Variants in SEPTIN10 observed in about 807,000 individuals in gnomAD.
The protein encoded by SEPTIN10 is septin 10.
Under a neutral mutation model 54.8 loss-of-function variants are expected in SEPTIN10, and 66 were observed. That is an observed-to-expected ratio of 1.21 (90% CI 0.99 to 1.48). The LOEUF (loss-of-function observed/expected upper bound fraction) is 1.48, where lower values mean the gene tolerates loss of function less well. Ranked by LOEUF, SEPTIN10 falls within the 40% of genes most tolerant of loss-of-function variation. The pLI is 0.00. For missense variants in SEPTIN10, 620 were observed against 545.6 expected (o/e 1.14, Z -1.36); for synonymous variants, 161 against 181.0 (o/e 0.89, Z 0.89).
At chr2:109,592,636 C>T (rs1303437079) in intron 2 of SEPTIN10, among the ~76,000 whole-genome samples, 5 of 151,160 alleles carry the variant, frequency 3.3e-5, no homozygotes, top group South Asian at 2.1e-4. Context: ...AAAAGTTAGC[C>T]GGACGTGGTG....
At chr2:109,613,342 C>A in intron 1 of SEPTIN10, 1 of 364,456 alleles carries the variant, frequency 2.7e-6, no homozygotes, top group Non-Finnish European at 5.1e-6. Context: ...ACCACACCAT[C>A]GGATAAAACG....
At chr2:109,603,490 C>T (rs906105478) in intron 1 of SEPTIN10, among the ~76,000 whole-genome samples, 4 of 152,092 alleles carry the variant, frequency 2.6e-5, no homozygotes, top group Non-Finnish European at 4.4e-5. Flanking sequence ...CCGCCTGCCT[C>T]AGCCTCCCAA....
intron 8 of SEPTIN10, 28 bp downstream of exon 8, chr2:109,564,338 G>A: frequency 2.0e-6 from 3 of 1,495,360 alleles, no homozygotes; most frequent in Non-Finnish European, 2.7e-6. Context: ...CTTCCTCTTT[G>A]GTTGGCTTCC....
chr2:109,580,205 T>C (rs1392168127), intron 4 of SEPTIN10, among the ~76,000 whole-genome samples: 3 of 151,440 alleles, frequency 2.0e-5, no homozygotes, highest in Non-Finnish European at 4.4e-5. Flanking sequence ...AAGAAAAATA[T>C]AGCATAATAT....
At chr2:109,600,027 A>T (rs1696271696) in intron 1 of SEPTIN10, among the ~76,000 whole-genome samples, 1 of 152,158 alleles carries the variant, frequency 6.6e-6, no homozygotes, top group Non-Finnish European at 1.5e-5. Context: ...CAGCTTGCTG[A>T]CCGTCTCCAC....
At chr2:109,602,901 CA>C (rs34841715) in intron 1 of SEPTIN10, among the ~76,000 whole-genome samples, 15,675 of 110,306 alleles carry the variant, frequency 0.14, 881 homozygotes, top group Non-Finnish European at 0.16. Flanking sequence ...GACCCTGTCT[CA>C]AAAAAAAAAA....
Position 109,569,300 on chromosome 2 carries a change from A to G in SEPTIN10, c.601-1324T>C, listed in dbSNP as rs148993548. ...AAAATAATTAGGTGGGCATGGTGGC[A>G]CATGCCTGTAATCCCAGCTACTCGG... is the stretch of plus-strand genomic sequence containing the variant. On this transcript the variant is annotated intron_variant, in intron 5 of 10. Coordinates refer to ENST00000397712, the MANE Select transcript of SEPTIN10 (RefSeq NM_144710.5). Among the ~76,000 whole-genome samples, 564 of 152,096 alleles carry G rather than the reference A, an allele frequency of 3.7e-3. 5 individuals carry two copies. Among genetic ancestry groups the G allele is most frequent in the African/African-American group, 0.013 (520 of 41,478 alleles).
In SEPTIN10 at chr2:109,585,652, C is replaced by T. The variant is rs1045576064; in HGVS notation, c.217+69G>A. On this transcript the variant is annotated intron_variant, in intron 3 of 10. Coordinates refer to ENST00000397712, the MANE Select transcript of SEPTIN10 (RefSeq NM_144710.5). ...TTGATAACATGAGCATTGTTCTGCC[C>T]ATGACAAGAATGAAGTGAGCACAAG... 4.8e-6 allele frequency: 5 copies of T among 1,035,608 alleles called. No homozygotes were observed. In the African/African-American group the frequency reaches 6.3e-5, roughly 13 times the overall value. 64.2% of individuals were successfully genotyped at this position (1,035,608 alleles called of 1,614,324 possible).
chr2:109,556,962 A>G (rs1419648753), intron 8 of SEPTIN10, among the ~76,000 whole-genome samples: 2 of 152,122 alleles, frequency 1.3e-5, no homozygotes, highest in African/African-American at 4.8e-5. Flanking sequence ...ATAGATGGGA[A>G]TTCAACAATG....
In SEPTIN10 at chr2:109,544,168, T is replaced by C. The variant is rs1229545832; in HGVS notation, c.*141A>G. On this transcript the variant is annotated 3_prime_UTR_variant, in exon 11 of 11. Coordinates refer to ENST00000397712, the MANE Select transcript of SEPTIN10 (RefSeq NM_144710.5). ...TTGACCTTGTACTTGAAAGTACTTT[T>C]CCATAAATATCAGTAACTGTGGCTG... 6.3e-7 allele frequency: 1 copy of C among 1,575,440 alleles called. No individual in the cohort carries two copies. Among genetic ancestry groups the C allele is most frequent in the Admixed American group, 1.8e-5 (1 of 55,838 alleles).
chr2:109,556,638 C>CT (rs1024593608), intron 8 of SEPTIN10, among the ~76,000 whole-genome samples: 2 of 151,064 alleles, frequency 1.3e-5, no homozygotes, highest in African/African-American at 2.4e-5. Flanking sequence ...AGTATCAGGC[C>CT]TTTTTTTTTC....
chr2:109,584,288 C>A (rs1244089313), intron 4 of SEPTIN10, among the ~76,000 whole-genome samples: 1 of 51,148 alleles, frequency 2.0e-5, no homozygotes, highest in Admixed American at 2.3e-4. Context: ...ACCAGCCTGG[C>A]CAACAAGGTG....
At position 109,585,829 on chromosome 2, in the gene SEPTIN10, TTTCTC is replaced by T. The variant is rs763695066; in HGVS notation, c.104_108del (p.Arg35LysfsTer14). 2.5e-6 allele frequency: 4 copies of T among 1,612,456 alleles called. No homozygotes were observed. The highest frequency in any genetic ancestry group is 1.7e-5 in the Admixed American group (1 of 59,528). ...CCAGACATAGTCAACGAACGAATGT[TTTCTC>T]TTTTCTGAAGGAAAATAAAAACAAA... is the stretch of plus-strand genomic sequence containing the variant. On this transcript the variant is annotated frameshift_variant, in exon 3 of 11. Coordinates refer to ENST00000397712, the MANE Select transcript of SEPTIN10 (RefSeq NM_144710.5). LOFTEE classifies it high-confidence loss of function.
At chr2:109,565,672 CA>C in intron 7 of SEPTIN10, 90 bp downstream of exon 7, 1 of 1,130,224 alleles carries the variant, frequency 8.8e-7, no homozygotes, top group Non-Finnish European at 1.3e-6. Flanking sequence ...CAATCACATC[CA>C]AACTAAGCAT....
intron 2 of SEPTIN10, among the ~76,000 whole-genome samples, chr2:109,588,100 G>GC (rs916281684): frequency 2.7e-5 from 4 of 150,598 alleles, no homozygotes; most frequent in African/African-American, 9.8e-5. Flanking sequence ...CCTATAAAAT[G>GC]CCCCCCGCCA....
rs937126514 is a variant in SEPTIN10, at chr2:109,543,163, C to T, written c.*1146G>A. On this transcript the variant is annotated 3_prime_UTR_variant, in exon 11 of 11. Transcript: ENST00000397712. ...TACCACCTGAAATATGAATTATGTGCATTTTTATATCTTTAATATTCAGAT... is the reference window on the plus strand; with the variant it reads ...TACCACCTGAAATATGAATTATGTGTATTTTTATATCTTTAATATTCAGAT... 1 of 152,524 alleles carries T rather than the reference C, an allele frequency of 6.6e-6. No individual in the cohort carries two copies. Among genetic ancestry groups the T allele is most frequent in the African/African-American group, 2.4e-5 (1 of 41,430 alleles). 9.4% of individuals were successfully genotyped at this position (152,524 alleles called of 1,614,324 possible). A position where few individuals can be genotyped will look rare whatever the true frequency, so the allele number is the denominator to read the frequency against.
chr2:109,593,722 C>A (rs745368099), intron 1 of SEPTIN10, among the ~76,000 whole-genome samples: 5 of 151,854 alleles, frequency 3.3e-5, no homozygotes, highest in African/African-American at 1.2e-4. Flanking sequence ...TTTAAAGATA[C>A]TCTAAGAGCC....
intron 1 of SEPTIN10, among the ~76,000 whole-genome samples, chr2:109,594,290 G>A (rs934150979): frequency 3.3e-5 from 5 of 152,076 alleles, no homozygotes; most frequent in Non-Finnish European, 5.9e-5. Flanking sequence ...AATTGCAAAT[G>A]GTGTCAATGA....
intron 4 of SEPTIN10, among the ~76,000 whole-genome samples, chr2:109,579,947 C>G (rs141301681): frequency 0.13 from 20,402 of 151,374 alleles, 1,849 homozygotes; most frequent in African/African-American, 0.26. Flanking sequence ...ATGGTGAAAC[C>G]CTGTCTCTAC....
Sources: gnomAD v4.1 joint callset for allele counts (sites outside exome capture counted in the v4.1 genomes callset) on GRCh38, gnomAD v4.1.1 for gene constraint, MANE v1.5 for transcripts, NCBI Gene and HGNC (gene_info 2026-07-23, HGNC 2026-07-21) for gene names.